Variants in INSR observed in about 807,000 individuals in gnomAD.
INSR encodes the protein IR.
In INSR, 67 loss-of-function variants were observed where a neutral mutation model predicts 142.6. That is an observed-to-expected ratio of 0.47 (90% CI 0.39 to 0.58). The LOEUF is 0.58. Ranked by LOEUF, INSR falls within the 20% of genes least tolerant of loss-of-function variation. The probability of loss-of-function intolerance (pLI) is 0.00; values close to 1 mark genes in which losing one functional copy is unlikely to be tolerated. For synonymous variants in INSR, 756 were observed against 743.1 expected (o/e 1.02, Z -0.28); for missense variants, 1,248 against 1,833.2 (o/e 0.68, Z 5.83).
At chr19:7,195,958 G>A (rs1353249889) in intron 2 of INSR, among the ~76,000 whole-genome samples, 1 of 140,962 alleles carries the variant, frequency 7.1e-6, no homozygotes, top group African/African-American at 2.7e-5. Flanking sequence ...TGTTTGAGAC[G>A]GAGTTTCGCT....
intron 16 of INSR, among the ~76,000 whole-genome samples, chr19:7,126,170 C>A (rs1019944659): frequency 6.6e-6 from 1 of 152,192 alleles, no homozygotes; most frequent in Non-Finnish European, 1.5e-5. Flanking sequence ...CTCAGCCTCC[C>A]CCAGCTTAGG....
At chr19:7,158,131 C>T (rs1973649254) in intron 9 of INSR, among the ~76,000 whole-genome samples, 2 of 151,058 alleles carry the variant, frequency 1.3e-5, no homozygotes, top group Admixed American at 6.6e-5. Context: ...AGGTATCATT[C>T]CTGATACCTG....
chr19:7,233,948 G>A (rs1000014468), intron 2 of INSR, among the ~76,000 whole-genome samples: 1 of 151,546 alleles, frequency 6.6e-6, no homozygotes, highest in African/African-American at 2.4e-5. Context: ...CTGTCACACA[G>A]GCTGGAGTGG....
At chr19:7,242,019 G>T (rs1976364392) in intron 2 of INSR, among the ~76,000 whole-genome samples, 1 of 151,926 alleles carries the variant, frequency 6.6e-6, no homozygotes, top group South Asian at 2.1e-4. Flanking sequence ...AGGTATGGTG[G>T]TATGCACCTG....
intron 2 of INSR, among the ~76,000 whole-genome samples, chr19:7,240,242 A>G (rs370569596): frequency 6.6e-6 from 1 of 152,224 alleles, no homozygotes; most frequent in African/African-American, 2.4e-5. Context: ...AATAAATAAG[A>G]TGGCAAATTT....
chr19:7,244,475 G>A (rs552597167), intron 2 of INSR, among the ~76,000 whole-genome samples: 40 of 150,784 alleles, frequency 2.7e-4, no homozygotes, highest in Admixed American at 6.0e-4. Context: ...AGAGGTTGCA[G>A]TGAGCCGAGA....
At chr19:7,230,723 G>A (rs546256774) in intron 2 of INSR, among the ~76,000 whole-genome samples, 1 of 150,476 alleles carries the variant, frequency 6.6e-6, no homozygotes, top group Non-Finnish European at 1.5e-5. Flanking sequence ...AGGGAGAATC[G>A]CTTGAATCCG....
rs34734343 is a variant in INSR, at chr19:7,265,735, C to CAA, written c.652+1608_652+1609dup. ...TAACAACAAGAGTGAAACTCCATCT[C>CAA]AAAAAAAAAAAAAAAATTAAAATAT... On this transcript the variant is annotated intron_variant, in intron 2 of 21. Transcript: ENST00000302850. 5.2e-3 allele frequency among the ~76,000 whole-genome samples: 698 copies of CAA among 133,590 alleles called. 8 individuals are homozygous for CAA. The highest frequency in any genetic ancestry group is 0.018 in the African/African-American group (655 of 36,524). 87.6% of individuals were successfully genotyped at this position (133,590 alleles called of 152,430 possible). A position where few individuals can be genotyped will look rare whatever the true frequency, so the allele number is the denominator to read the frequency against.
chr19:7,148,666 C>T (rs1009377278), intron 11 of INSR, among the ~76,000 whole-genome samples: 2 of 149,044 alleles, frequency 1.3e-5, no homozygotes, highest in East Asian at 3.9e-4. Flanking sequence ...CTTGTAGTAA[C>T]GGGGTTTCAC....
At chr19:7,181,104 C>G (rs1180577326) in intron 3 of INSR, among the ~76,000 whole-genome samples, 1 of 152,012 alleles carries the variant, frequency 6.6e-6, no homozygotes, top group African/African-American at 2.4e-5. Flanking sequence ...TAATCCCACG[C>G]CTGGCTAATT....
At chr19:7,126,683 A>G in intron 15 of INSR, 32 bp from the exon 16 acceptor site, 1 of 1,550,714 alleles carries the variant, frequency 6.4e-7, no homozygotes, top group Non-Finnish European at 8.7e-7. Context: ...CGTTAGCTTG[A>G]GATTCTCATG....
At chr19:7,241,255 T>C (rs1259781720) in intron 2 of INSR, among the ~76,000 whole-genome samples, 1 of 151,200 alleles carries the variant, frequency 6.6e-6, no homozygotes, top group Non-Finnish European at 1.5e-5. Context: ...CGTAGCTCAC[T>C]GCAGCCTCCA....
At chr19:7,196,321 G>T (rs1974747082) in intron 2 of INSR, among the ~76,000 whole-genome samples, 1 of 152,002 alleles carries the variant, frequency 6.6e-6, no homozygotes, top group South Asian at 2.1e-4. Flanking sequence ...ATAGTTCAGG[G>T]GAAAAAAATG....
At chr19:7,137,798 CAAAAAAAAA>C (rs1176523364) in intron 13 of INSR, among the ~76,000 whole-genome samples, 3 of 41,468 alleles carry the variant, frequency 7.2e-5, no homozygotes, top group African/African-American at 2.0e-4. Flanking sequence ...GACTCCATCT[CAAAAAAAAA>C]AAAAAAAAAA....
chr19:7,120,855 G>C, intron 19 of INSR, 106 bp from the exon 20 acceptor site: 1 of 1,416,784 alleles, frequency 7.1e-7, no homozygotes, highest in Non-Finnish European at 9.9e-7. Flanking sequence ...GGTTCACCTG[G>C]CCCACGTCTG....
intron 12 of INSR, 87 bp from the exon 13 acceptor site, chr19:7,141,903 G>A (rs1973078832): frequency 1.8e-6 from 2 of 1,083,924 alleles, no homozygotes; most frequent in Non-Finnish European, 2.8e-6. Flanking sequence ...ACCTTGGGCT[G>A]GTGACGTCAT....
At chr19:7,249,900 G>A (rs549139935) in intron 2 of INSR, among the ~76,000 whole-genome samples, 2 of 152,134 alleles carry the variant, frequency 1.3e-5, no homozygotes, top group East Asian at 1.9e-4. Flanking sequence ...GCTGAGGCAG[G>A]AGAATCACTT....
At chr19:7,175,910 C>T (rs752453777) in intron 3 of INSR, among the ~76,000 whole-genome samples, 1 of 151,910 alleles carries the variant, frequency 6.6e-6, no homozygotes, top group African/African-American at 2.4e-5. Flanking sequence ...CAGAAAAGAA[C>T]CACTGCCTTA....
At chr19:7,117,518 C>T in intron 21 of INSR, 108 bp from the exon 22 acceptor site, 1 of 741,804 alleles carries the variant, frequency 1.3e-6, no homozygotes, top group South Asian at 1.7e-5. Flanking sequence ...CACATGTGCT[C>T]ACATCAGATG....
Sources: allele counts gnomAD v4.1 joint callset (sites outside exome capture counted in the v4.1 genomes callset), GRCh38; gene constraint gnomAD v4.1.1; transcripts MANE v1.5; gene names NCBI Gene and HGNC (gene_info 2026-07-23, HGNC 2026-07-21).